The following ATXN8OS variants were observed in gnomAD, a reference collection of about 807,000 sequenced individuals.
ATXN8OS encodes the protein ATXN8 opposite strand lncRNA, also known as ATXN8 opposite strand (non-protein coding).
chr13:70,139,391 T>G lies in ATXN8OS; in HGVS notation n.500-7964T>G, dbSNP rs547120017. 7.3e-5 allele frequency: 29 copies of G among 398,708 alleles called. No individual in the cohort carries two copies. The African/African-American group carries it at 1.1e-3, about 15-fold the overall frequency. The allele number at this position is 398,708 out of a possible 1,614,324, so 24.7% of individuals were successfully genotyped here. A position where few individuals can be genotyped will look rare whatever the true frequency, so the allele number is the denominator to read the frequency against. ...CTACTACTACTACTACTACTGCTGC[T>G]GCTGCTGCTGCTGCTGCTGCTGCTG... On this transcript the variant is annotated intron_variant and non_coding_transcript_variant, in intron 3 of 4. Coordinates refer to ENST00000678624, the Ensembl canonical transcript of ATXN8OS.
chr13:70,140,179 CTA>C (rs1888691143), intron 3 of ATXN8OS, among the ~76,000 whole-genome samples: 1 of 152,010 alleles, frequency 6.6e-6, no homozygotes, highest in Non-Finnish European at 1.5e-5. Flanking sequence ...CTGAGTCAAA[CTA>C]TGCTAAGTGC....
chr13:70,142,073 A>G (rs913121866), intron 3 of ATXN8OS, among the ~76,000 whole-genome samples: 1 of 152,048 alleles, frequency 6.6e-6, no homozygotes, highest in Non-Finnish European at 1.5e-5. Context: ...TACAAGAGAC[A>G]GGGTTTCTCC....
intron 4 of ATXN8OS, among the ~76,000 whole-genome samples, chr13:70,153,611 A>C (rs1160019398): frequency 6.6e-6 from 1 of 152,110 alleles, no homozygotes; most frequent in African/African-American, 2.4e-5. Flanking sequence ...TCTTATTCAA[A>C]ATTTTGGAAT....
intron 1 of ATXN8OS, among the ~76,000 whole-genome samples, chr13:70,109,075 G>C (rs963754029): frequency 6.6e-6 from 1 of 152,214 alleles, no homozygotes; most frequent in African/African-American, 2.4e-5. Context: ...AATGATAAAA[G>C]AGAATTTCAA....
At chr13:70,142,510 G>C (rs1253700045) in intron 3 of ATXN8OS, among the ~76,000 whole-genome samples, 1 of 152,132 alleles carries the variant, frequency 6.6e-6, no homozygotes, top group African/African-American at 2.4e-5. Context: ...TGTGTAGTAT[G>C]ATGTTTGTAT....
intron 1 of ATXN8OS, among the ~76,000 whole-genome samples, chr13:70,114,388 C>T (rs560435531): frequency 6.6e-6 from 1 of 152,000 alleles, no homozygotes; most frequent in South Asian, 2.1e-4. Context: ...GGACTTCACA[C>T]AATAATATAC....
intron 3 of ATXN8OS, among the ~76,000 whole-genome samples, chr13:70,138,436 T>C (rs956030023): frequency 1.2e-4 from 18 of 152,106 alleles, no homozygotes; most frequent in Non-Finnish European, 1.5e-4. Flanking sequence ...AATTTTAAAA[T>C]GCAAAAAATA....
At chr13:70,119,017 C>A (rs1306283114) in intron 2 of ATXN8OS, among the ~76,000 whole-genome samples, 1 of 151,988 alleles carries the variant, frequency 6.6e-6, no homozygotes, top group East Asian at 1.9e-4. Flanking sequence ...TTCAATAAAT[C>A]AATCAGTCAG....
intron 4 of ATXN8OS, among the ~76,000 whole-genome samples, chr13:70,161,692 C>T (rs1020496419): frequency 3.0e-4 from 45 of 150,700 alleles, no homozygotes; most frequent in African/African-American, 9.7e-4. Flanking sequence ...AAACCAGAGG[C>T]GGTCTCTGTT....
At chr13:70,131,644 C>T (rs1179324767) in intron 3 of ATXN8OS, 1 of 396,412 alleles carries the variant, frequency 2.5e-6, no homozygotes, top group African/African-American at 2.1e-5. Flanking sequence ...GCTCAGATAT[C>T]CTTTTCTCAT....
At chr13:70,125,035 T>C (rs79110664) in intron 2 of ATXN8OS, among the ~76,000 whole-genome samples, 2 of 151,952 alleles carry the variant, frequency 1.3e-5, no homozygotes, top group East Asian at 1.9e-4. Context: ...AAAAACCGCA[T>C]ATATTTTACT....
rs71116991 is a variant in ATXN8OS, at chr13:70,112,921, T to TATATATATATA, written n.241-2220_241-2219insATATATATATA. On this transcript the variant is annotated intron_variant and non_coding_transcript_variant, in intron 1 of 4. Transcript: ENST00000678624. ...CTGCTGAGGGACTTTATATATATAA[T>TATATATATATA]TTTTTTTTTTTTTTTTTTTGAGATG... Among the ~76,000 whole-genome samples, 342 of 52,322 alleles carry TATATATATATA rather than the reference T, an allele frequency of 6.5e-3. 2 individuals carry two copies. Among genetic ancestry groups the TATATATATATA allele is most frequent in the African/African-American group, 0.033 (326 of 9,946 alleles). The allele number at this position is 52,322 out of a possible 152,430, so 34.3% of individuals were successfully genotyped here.
At chr13:70,137,051 A>AATGATTG (rs1888627510) in intron 3 of ATXN8OS, among the ~76,000 whole-genome samples, 1 of 152,194 alleles carries the variant, frequency 6.6e-6, no homozygotes, top group Non-Finnish European at 1.5e-5. Context: ...CCAATCATTC[A>AATGATTG]AAGTTCCTTG....
intron 4 of ATXN8OS, among the ~76,000 whole-genome samples, chr13:70,168,749 A>G (rs1293988564): frequency 2.6e-5 from 4 of 152,046 alleles, no homozygotes; most frequent in Admixed American, 2.6e-4. Flanking sequence ...GTAATATCCC[A>G]TTGTATATAT....
intron 3 of ATXN8OS, among the ~76,000 whole-genome samples, chr13:70,138,829 A>G (rs1156694091): frequency 1.3e-5 from 2 of 152,056 alleles, no homozygotes; most frequent in African/African-American, 2.4e-5. Context: ...AGTCTAGTAC[A>G]CGATAATTCT....
intron 1 of ATXN8OS, among the ~76,000 whole-genome samples, chr13:70,113,658 A>G (rs548292370): frequency 1.3e-5 from 2 of 152,298 alleles, no homozygotes; most frequent in East Asian, 1.9e-4. Flanking sequence ...ATAAAATAGT[A>G]TAACTTTGTG....
chr13:70,158,684 T>G (rs1421575733), intron 4 of ATXN8OS, among the ~76,000 whole-genome samples: 2 of 152,204 alleles, frequency 1.3e-5, no homozygotes, highest in Non-Finnish European at 2.9e-5. Context: ...AAAGAAGCCA[T>G]AGACAGTATA....
intron 4 of ATXN8OS, among the ~76,000 whole-genome samples, chr13:70,164,915 A>C (rs1251904124): frequency 1.3e-5 from 2 of 152,084 alleles, no homozygotes; most frequent in Non-Finnish European, 2.9e-5. Context: ...AAAATAGGAA[A>C]AAGGAAAATA....
intron 4 of ATXN8OS, among the ~76,000 whole-genome samples, chr13:70,167,823 C>A (rs1889096547): frequency 6.7e-6 from 1 of 149,802 alleles, no homozygotes; most frequent in Non-Finnish European, 1.5e-5. Context: ...GCAAGCTCCG[C>A]CTCCTGGGTT....
Sources: gnomAD v4.1 joint callset for allele counts (sites outside exome capture counted in the v4.1 genomes callset) on GRCh38, gnomAD v4.1.1 for gene constraint, MANE v1.5 for transcripts, NCBI Gene and HGNC (gene_info 2026-07-23, HGNC 2026-07-21) for gene names.